Variants in HSF2 observed in about 807,000 individuals in gnomAD.
HSF2 encodes the protein heat shock factor protein 2.
In HSF2, 21 loss-of-function variants were observed where a neutral mutation model predicts 65.0. The observed-to-expected ratio is 0.32, with a 90% confidence interval of 0.23 to 0.47. HSF2 has a LOEUF of 0.47. Ranked by LOEUF, HSF2 falls within the 20% of genes least tolerant of loss-of-function variation. HSF2 has a pLI of 1.00. For synonymous variants in HSF2, 225 were observed against 219.1 expected, an observed-to-expected ratio of 1.03 and a Z score of -0.24; for missense variants, 499 against 628.1, an observed-to-expected ratio of 0.79 and a Z score of 2.20.
chr6:122,411,956 A>G (rs753715704), intron 1 of HSF2, among the ~76,000 whole-genome samples: 1 of 151,918 alleles, frequency 6.6e-6, no homozygotes, highest in Non-Finnish European at 1.5e-5. Flanking sequence ...AATTATGTCT[A>G]CTATGTCTAC....
intron 1 of HSF2, among the ~76,000 whole-genome samples, chr6:122,406,897 T>A (rs180862657): frequency 2.0e-5 from 3 of 152,184 alleles, no homozygotes; most frequent in Non-Finnish European, 4.4e-5. Flanking sequence ...AACAGGAGTA[T>A]TTTTGAACAG....
intron 4 of HSF2, among the ~76,000 whole-genome samples, chr6:122,414,587 T>G (rs1389598682): frequency 6.6e-6 from 1 of 152,128 alleles, no homozygotes; most frequent in Non-Finnish European, 1.5e-5. Flanking sequence ...CCCAAATCAT[T>G]TTTTGTACCT....
At position 122,431,458 on chromosome 6, in the gene HSF2, A is replaced by G; in HGVS notation, c.1259A>G (p.Lys420Arg). The change falls in exon 12 of 13, where the codon AAG becomes AGG. Residue 420 changes from lysine (K) to arginine (R), a missense_variant. Around this residue, in one of 2 missense-constraint regions of HSF2, gnomAD observed 349 missense variants for 393.5 expected, o/e 0.89. Transcript: ENST00000368455. ...KSENKGLETT[K>R]NNVVQPVSEE... The stretch of plus-strand genomic sequence containing the variant: ...GAGAATAAAGGATTAGAAACTACCA[A>G]GAACAATGTAGTTCAGCCAGTTTCG... 1 of 1,580,814 alleles carries G rather than the reference A, an allele frequency of 6.3e-7. No individual in the cohort carries two copies. Among genetic ancestry groups the G allele is most frequent in the Non-Finnish European group, 8.6e-7 (1 of 1,158,596 alleles).
intron 1 of HSF2, 135 bp from the exon 2 acceptor site, chr6:122,412,238 A>G: frequency 1.7e-6 from 1 of 580,136 alleles, no homozygotes; most frequent in South Asian, 2.4e-5. Flanking sequence ...TCCTGTTGTC[A>G]AGAATAGAAT....
intron 10 of HSF2, among the ~76,000 whole-genome samples, chr6:122,425,793 G>A (rs576247): frequency 6.6e-6 from 1 of 151,718 alleles, no homozygotes; most frequent in Non-Finnish European, 1.5e-5. Context: ...AGAGATTTTG[G>A]CTTGTAAGAT....
intron 9 of HSF2, among the ~76,000 whole-genome samples, chr6:122,423,331 A>G (rs1356167487): frequency 1.3e-5 from 2 of 152,162 alleles, no homozygotes; most frequent in African/African-American, 2.4e-5. Flanking sequence ...TATAGAGGAA[A>G]AAGGTAAATC....
intron 4 of HSF2, among the ~76,000 whole-genome samples, chr6:122,415,989 C>T (rs991819542): frequency 4.6e-5 from 7 of 152,080 alleles, no homozygotes; most frequent in African/African-American, 1.7e-4. Context: ...TGCACTTCAG[C>T]CTGGGCGACA....
chr6:122,428,004 C>T, intron 11 of HSF2, 48 bp downstream of exon 11: 2 of 1,254,838 alleles, frequency 1.6e-6, no homozygotes, highest in Non-Finnish European at 2.3e-6. Flanking sequence ...TAAAAATCTA[C>T]AAAAACGTCC....
intron 1 of HSF2, among the ~76,000 whole-genome samples, chr6:122,404,467 A>G (rs1773817318): frequency 6.6e-6 from 1 of 152,230 alleles, no homozygotes; most frequent in Non-Finnish European, 1.5e-5. Context: ...ACTCTAAAAG[A>G]GTAGCTGGTG....
chr6:122,428,602 T>C (rs541136992), intron 11 of HSF2, among the ~76,000 whole-genome samples: 39 of 152,022 alleles, frequency 2.6e-4, no homozygotes, highest in Non-Finnish European at 5.4e-4. Context: ...CATGAATAGG[T>C]ATACACTCCC....
At chr6:122,411,335 T>C (rs1289557312) in intron 1 of HSF2, among the ~76,000 whole-genome samples, 1 of 151,904 alleles carries the variant, frequency 6.6e-6, no homozygotes, top group East Asian at 1.9e-4. Flanking sequence ...TCTTTTTGAA[T>C]TTTAAGAGTT....
chr6:122,420,559 CAGTACTTGG>C (rs1416025072), intron 7 of HSF2, among the ~76,000 whole-genome samples: 1 of 151,128 alleles, frequency 6.6e-6, no homozygotes, highest in Non-Finnish European at 1.5e-5. Context: ...AATCCAGGAG[CAGTACTTGG>C]TATTATTTTG....
rs1256438088 is a variant in HSF2, at chr6:122,431,518, G to A, written c.1315+4G>A. ...AGAAAATCTAAATCCAAACCAGGTAGGTATAAATATAGTATTCAGTCTCTG... is the reference window on the plus strand; with the variant it reads ...AGAAAATCTAAATCCAAACCAGGTAAGTATAAATATAGTATTCAGTCTCTG... On this transcript the variant is annotated splice_donor_region_variant and intron_variant, in intron 12 of 12. Transcript: ENST00000368455. 1.3e-6 allele frequency: 2 copies of A among 1,515,072 alleles called. No individual in the cohort carries two copies. The allele number at this position is 1,515,072 out of a possible 1,614,324, so 93.9% of individuals were successfully genotyped here.
Position 122,420,185 on chromosome 6 carries a change from A to G in HSF2, c.644A>G (p.His215Arg). 6.2e-7 allele frequency: 1 copy of G among 1,607,754 alleles called. No individual in the cohort carries two copies. ...NGAQKKNLFQ[H>R]IVKEPTDNHH... ...GCCCAAAAGAAGAACCTGTTTCAGC[A>G]CATAGTCAAAGAACCAACTGATAAT... Residue 215 changes from histidine (H) to arginine (R), a missense_variant, in exon 7 of 13, where the codon CAC becomes CGC. Around this residue, in one of 2 missense-constraint regions of HSF2, gnomAD observed 349 missense variants for 393.5 expected, o/e 0.89. Coordinates refer to ENST00000368455, the MANE Select transcript of HSF2 (RefSeq NM_004506.4).
At position 122,432,526 on chromosome 6, in the gene HSF2, C is replaced by G. The variant is rs1007815110; in HGVS notation, c.*306C>G. ...TTTTTTTACAAATACGACCATTAAC[C>G]TCAGTTAAATTTTTGTTTGTTTTCC... On this transcript the variant is annotated 3_prime_UTR_variant, in exon 13 of 13. Coordinates refer to ENST00000368455, the MANE Select transcript of HSF2 (RefSeq NM_004506.4). 1 of 256,322 alleles carries G rather than the reference C, an allele frequency of 3.9e-6. No individual in the cohort carries two copies. Among genetic ancestry groups the G allele is most frequent in the African/African-American group, 2.3e-5 (1 of 44,228 alleles). 15.9% of individuals were successfully genotyped at this position (256,322 alleles called of 1,614,324 possible). A position where few individuals can be genotyped will look rare whatever the true frequency, so the allele number is the denominator to read the frequency against.
chr6:122,431,847 C>G (rs560825277), intron 12 of HSF2, 78 bp from the exon 13 acceptor site: 51 of 1,277,060 alleles, frequency 4.0e-5, no homozygotes, highest in Non-Finnish European at 5.3e-5. Flanking sequence ...ATGTGTACAT[C>G]TCTGTTTTCA....
At chr6:122,416,372 A>C (rs1384715513) in intron 5 of HSF2, 76 bp downstream of exon 5, 4 of 878,324 alleles carry the variant, frequency 4.6e-6, no homozygotes, top group Non-Finnish European at 7.5e-6. Flanking sequence ...AAAGGTCTTT[A>C]TTGAGTGTCT....
chr6:122,413,457 G>C (rs1774046403), intron 3 of HSF2, 68 bp from the exon 4 acceptor site: 1 of 1,205,256 alleles, frequency 8.3e-7, no homozygotes, highest in Non-Finnish European at 1.2e-6. Flanking sequence ...TCTTCTAATA[G>C]GGAAGCTTTG....
In HSF2 at chr6:122,432,272, T is replaced by A. The variant is rs768430546; in HGVS notation, c.*52T>A. The A allele has an allele frequency of 7.2e-7, 1 of 1,389,910 alleles. No individual in the cohort carries two copies. Among genetic ancestry groups the A allele is most frequent in the Non-Finnish European group, 9.9e-7 (1 of 1,010,112 alleles). 86.1% of individuals were successfully genotyped at this position (1,389,910 alleles called of 1,614,324 possible). On this transcript the variant is annotated 3_prime_UTR_variant, in exon 13 of 13. Coordinates refer to ENST00000368455, the MANE Select transcript of HSF2 (RefSeq NM_004506.4). ...ATATATTCATCAAAATGATGAACTA[T>A]TTATTTTAAAGTATCATTTGGTACT... is the stretch of plus-strand genomic sequence containing the variant.
Sources: allele counts gnomAD v4.1 joint callset (sites outside exome capture counted in the v4.1 genomes callset), GRCh38; gene constraint gnomAD v4.1.1; regional missense constraint gnomAD v4.1.1; transcripts MANE v1.5; gene names NCBI Gene and HGNC (gene_info 2026-07-23, HGNC 2026-07-21).